Variants in ARHGAP24 observed in about 807,000 individuals in gnomAD.
ARHGAP24 encodes rho GTPase-activating protein 24.
ARHGAP24 carries 50 observed loss-of-function variants against 76.4 expected under a neutral mutation model. The ratio of observed to expected loss-of-function variants is 0.65; its 90% CI spans 0.52 to 0.83. The LOEUF (loss-of-function observed/expected upper bound fraction) is 0.83. ARHGAP24 is among the 40% of genes least tolerant of loss of function. The pLI is 0.00. For synonymous variants in ARHGAP24, 345 were observed against 323.3 expected (o/e 1.07, Z -0.72); for missense variants, 930 against 914.2 (o/e 1.02, Z -0.22).
intron 2 of ARHGAP24, among the ~76,000 whole-genome samples, chr4:85,662,997 G>T (rs1167326332): frequency 6.6e-6 from 1 of 151,992 alleles, no homozygotes; most frequent in African/African-American, 2.4e-5. Flanking sequence ...ACTTGGTGAT[G>T]CGGGCTCTTT....
intron 2 of ARHGAP24, among the ~76,000 whole-genome samples, chr4:85,695,627 G>A (rs535365977): frequency 6.6e-6 from 1 of 152,276 alleles, no homozygotes; most frequent in South Asian, 2.1e-4. Flanking sequence ...AAATTAATAT[G>A]TTAAAAGTCT....
At chr4:85,480,532 T>C (rs1224536304) in intron 1 of ARHGAP24, among the ~76,000 whole-genome samples, 1 of 152,220 alleles carries the variant, frequency 6.6e-6, no homozygotes, top group Non-Finnish European at 1.5e-5. Context: ...AAATCCATGA[T>C]GAAAACAGAT....
chr4:85,841,941 A>G (rs1448592108), intron 3 of ARHGAP24, among the ~76,000 whole-genome samples: 2 of 152,222 alleles, frequency 1.3e-5, no homozygotes, highest in African/African-American at 4.8e-5. Flanking sequence ...GCATTCACAC[A>G]CAAGCCCTAC....
intron 3 of ARHGAP24, among the ~76,000 whole-genome samples, chr4:85,882,609 A>G (rs547411911): frequency 1.3e-5 from 2 of 152,230 alleles, no homozygotes; most frequent in South Asian, 4.1e-4. Flanking sequence ...TCTATTTTGT[A>G]TTCTAGTTGA....
intron 3 of ARHGAP24, among the ~76,000 whole-genome samples, chr4:85,853,946 G>A (rs183945330): frequency 1.4e-5 from 2 of 142,794 alleles, no homozygotes; most frequent in Admixed American, 7.0e-5. Context: ...AGCCAGAATC[G>A]GTCAAAAACA....
intron 1 of ARHGAP24, among the ~76,000 whole-genome samples, chr4:85,567,334 G>T (rs984936079): frequency 2.0e-5 from 3 of 152,176 alleles, no homozygotes; most frequent in African/African-American, 7.2e-5. Context: ...ATAGTGGACT[G>T]CACCATAAGG....
intron 5 of ARHGAP24, among the ~76,000 whole-genome samples, chr4:85,965,121 A>T (rs1738501576): frequency 6.6e-6 from 1 of 152,142 alleles, no homozygotes; most frequent in African/African-American, 2.4e-5. Context: ...TGCGCAATTC[A>T]CAAAAGAAAG....
chr4:85,507,119 A>T (rs1270535876), intron 1 of ARHGAP24, among the ~76,000 whole-genome samples: 10 of 152,204 alleles, frequency 6.6e-5, no homozygotes, highest in Non-Finnish European at 1.5e-4. Context: ...GCATGAACTG[A>T]GGGAGAATGC....
Position 85,973,548 on chromosome 4 carries a change from C to G in ARHGAP24, c.733-1340C>G, listed in dbSNP as rs527832712. Among the ~76,000 whole-genome samples, 14 of 152,250 alleles carry G rather than the reference C, an allele frequency of 9.2e-5. No homozygotes were observed. In the East Asian group the frequency reaches 2.7e-3, roughly 29 times the overall value. ...TACATTTTGATGAAGTCAAATTTAT[C>G]TATTTTTAATCAGTTGTGGTTGTGT... is the stretch of plus-strand genomic sequence containing the variant. On this transcript the variant is annotated intron_variant, in intron 6 of 9. Coordinates refer to ENST00000395184, the MANE Select transcript of ARHGAP24 (RefSeq NM_001025616.3).
At chr4:85,784,578 T>C (rs1727719194) in intron 3 of ARHGAP24, among the ~76,000 whole-genome samples, 1 of 152,072 alleles carries the variant, frequency 6.6e-6, no homozygotes, top group African/African-American at 2.4e-5. Flanking sequence ...TTTCAGCCCC[T>C]GCTCAGCCTG....
intron 4 of ARHGAP24, among the ~76,000 whole-genome samples, chr4:85,937,007 G>C (rs1736674591): frequency 6.6e-6 from 1 of 152,154 alleles, no homozygotes; most frequent in Non-Finnish European, 1.5e-5. Context: ...AGCTTGTGGG[G>C]ATTTTATTTT....
chr4:85,994,530 A>T, intron 8 of ARHGAP24, 53 bp from the exon 9 acceptor site: 2 of 1,530,936 alleles, frequency 1.3e-6, no homozygotes, highest in Admixed American at 3.3e-5. Flanking sequence ...ATTGAAATAG[A>T]AATAAATAAA....
intron 1 of ARHGAP24, among the ~76,000 whole-genome samples, chr4:85,485,192 CA>C (rs1300517582): frequency 6.7e-6 from 1 of 148,986 alleles, no homozygotes; most frequent in African/African-American, 2.5e-5. Flanking sequence ...AAAAAAAATA[CA>C]AAAAATTAGC....
At chr4:85,700,057 A>C (rs1383558731) in intron 2 of ARHGAP24, among the ~76,000 whole-genome samples, 5 of 152,184 alleles carry the variant, frequency 3.3e-5, no homozygotes, top group African/African-American at 1.2e-4. Context: ...TTTCCTGAGG[A>C]GATCACACAG....
chr4:85,605,545 C>A (rs921974656), intron 2 of ARHGAP24, among the ~76,000 whole-genome samples: 1 of 152,152 alleles, frequency 6.6e-6, no homozygotes, highest in Non-Finnish European at 1.5e-5. Flanking sequence ...TGCATTCATA[C>A]AACAAGAGCT....
intron 3 of ARHGAP24, among the ~76,000 whole-genome samples, chr4:85,732,976 G>A (rs973966223): frequency 1.3e-5 from 2 of 149,244 alleles, no homozygotes; most frequent in African/African-American, 2.5e-5. Flanking sequence ...GGAATTACAG[G>A]CGTGAGCCAC....
chr4:85,756,777 C>T (rs1003288710), intron 3 of ARHGAP24, among the ~76,000 whole-genome samples: 1 of 152,150 alleles, frequency 6.6e-6, no homozygotes, highest in African/African-American at 2.4e-5. Flanking sequence ...GTGTGTTTTG[C>T]TGACCCCTGG....
At chr4:85,985,861 T>C (rs1485589349) in intron 8 of ARHGAP24, among the ~76,000 whole-genome samples, 1 of 152,222 alleles carries the variant, frequency 6.6e-6, no homozygotes, top group African/African-American at 2.4e-5. Context: ...ACAACAGGTG[T>C]TTGCAGCATT....
chr4:85,663,070 T>C (rs1722468609), intron 2 of ARHGAP24, among the ~76,000 whole-genome samples: 1 of 152,032 alleles, frequency 6.6e-6, no homozygotes, highest in Non-Finnish European at 1.5e-5. Flanking sequence ...CATTGGTAGC[T>C]TGATGGGGAT....
Sources: gnomAD v4.1 joint callset for allele counts (sites outside exome capture counted in the v4.1 genomes callset) on GRCh38, gnomAD v4.1.1 for gene constraint, MANE v1.5 for transcripts, NCBI Gene and HGNC (gene_info 2026-07-23, HGNC 2026-07-21) for gene names.